BCAR3: variants seen among roughly 807,000 people sequenced by gnomAD.
The protein encoded by BCAR3 is BCAR3 adaptor protein, NSP family member, also known as breast cancer anti-estrogen resistance protein 3.
A neutral mutation model predicts 80.1 loss-of-function variants in BCAR3; 37 were observed. That is an observed-to-expected ratio of 0.46 (90% CI 0.36 to 0.61). The LOEUF (loss-of-function observed/expected upper bound fraction) is 0.61. Ranked by LOEUF, BCAR3 falls within the 20% of genes least tolerant of loss-of-function variation. The pLI, the probability that BCAR3 is intolerant of heterozygous loss-of-function variation, is 0.00. For synonymous variants in BCAR3, 389 were observed against 418.9 expected (o/e 0.93, Z 0.87); for missense variants, 978 against 1,068.2 (o/e 0.92, Z 1.18).
chr1:93,815,734 T>C (rs908258495), intron 2 of BCAR3, among the ~76,000 whole-genome samples: 1 of 152,204 alleles, frequency 6.6e-6, no homozygotes, highest in Non-Finnish European at 1.5e-5. Context: ...TGTACATTTG[T>C]ATAGAGATGC....
At chr1:93,745,995 T>C (rs1651345829) in intron 2 of BCAR3, among the ~76,000 whole-genome samples, 1 of 152,386 alleles carries the variant, frequency 6.6e-6, no homozygotes, top group Middle Eastern at 3.4e-3. Flanking sequence ...CACTTAAACA[T>C]AGTATTTGTG....
chr1:93,642,060 A>T (rs556230509), intron 3 of BCAR3, among the ~76,000 whole-genome samples: 3 of 152,258 alleles, frequency 2.0e-5, no homozygotes, highest in African/African-American at 7.2e-5. Context: ...ACAAACAAAC[A>T]AACTCTGAAT....
intron 2 of BCAR3, among the ~76,000 whole-genome samples, chr1:93,647,311 G>A (rs1408114984): frequency 6.6e-6 from 1 of 152,146 alleles, no homozygotes. Context: ...CAAATTTGCT[G>A]TCTTAGAGAT....
intron 2 of BCAR3, among the ~76,000 whole-genome samples, chr1:93,779,527 T>C (rs989245830): frequency 6.6e-6 from 1 of 152,142 alleles, no homozygotes; most frequent in Non-Finnish European, 1.5e-5. Context: ...TATTTGGGTA[T>C]TGGGATCAGA....
rs116360260 is a variant in BCAR3 at position 93,724,424 on chromosome 1, G to A, written c.-62-18282C>T. Among the ~76,000 whole-genome samples the A allele has an allele frequency of 4.5e-3, 693 of 152,334 alleles. 2 individuals carry two copies. Among genetic ancestry groups the A allele is most frequent in the Non-Finnish European group, 7.4e-3 (504 of 68,026 alleles). ...CACAGGAGCCCTTGTTTGTTGGACT[G>A]TTATAACTCCCAAGGAATAGACGCC... On this transcript the variant is annotated intron_variant, in intron 2 of 13. Transcript: ENST00000370244.
upstream of BCAR3, among the ~76,000 whole-genome samples, chr1:93,684,971 C>A (rs958250307): frequency 6.6e-6 from 1 of 152,214 alleles, no homozygotes; most frequent in South Asian, 2.1e-4. Context: ...ATCAAGTGAT[C>A]TGCCTGCCTC....
At chr1:93,729,646 T>A (rs1030603824) in intron 2 of BCAR3, among the ~76,000 whole-genome samples, 4 of 152,186 alleles carry the variant, frequency 2.6e-5, no homozygotes, top group Non-Finnish European at 4.4e-5. Context: ...TGTCTGAGAT[T>A]GAGGCCAGGG....
At chr1:93,585,386 C>G (rs992879135) in intron 5 of BCAR3, among the ~76,000 whole-genome samples, 2 of 152,236 alleles carry the variant, frequency 1.3e-5, no homozygotes, top group African/African-American at 4.8e-5. Flanking sequence ...CTAGGAGGAT[C>G]TGCATTCCAA....
chr1:93,806,282 C>T (rs1653650426), intron 2 of BCAR3, among the ~76,000 whole-genome samples: 1 of 152,122 alleles, frequency 6.6e-6, no homozygotes, highest in Non-Finnish European at 1.5e-5. Context: ...GTATGAGACT[C>T]AAAGAGAGGC....
At chr1:93,837,467 C>T (rs1343850691) in intron 2 of BCAR3, among the ~76,000 whole-genome samples, 2 of 152,194 alleles carry the variant, frequency 1.3e-5, no homozygotes, top group Non-Finnish European at 2.9e-5. Flanking sequence ...CCACTCAGCT[C>T]CTGTTCCTGG....
intron 2 of BCAR3, among the ~76,000 whole-genome samples, chr1:93,809,773 G>GAAAAAAAAAAAAAAAAAAAA (rs1571143045): frequency 2.1e-5 from 1 of 46,982 alleles, no homozygotes. Context: ...GTCTCAAAAA[G>GAAAAAAAAAAAAAAAAAAAA]ATAAAAAAAA....
intron 2 of BCAR3, among the ~76,000 whole-genome samples, chr1:93,660,517 A>G (rs1647600127): frequency 6.6e-6 from 1 of 152,242 alleles, no homozygotes; most frequent in Non-Finnish European, 1.5e-5. Context: ...CAGGCTTAAA[A>G]TGGGACACGC....
chr1:93,639,998 G>A (rs1026329527), intron 3 of BCAR3, among the ~76,000 whole-genome samples: 2 of 152,036 alleles, frequency 1.3e-5, no homozygotes, highest in Non-Finnish European at 2.9e-5. Context: ...CTACTGGAAG[G>A]GGCCTTTATG....
intron 2 of BCAR3, among the ~76,000 whole-genome samples, chr1:93,804,472 G>T (rs1399895700): frequency 6.6e-6 from 1 of 152,168 alleles, no homozygotes; most frequent in Non-Finnish European, 1.5e-5. Context: ...GTAAAACAGG[G>T]ATTCCTTGAA....
chr1:93,715,687 G>A (rs1237927707), intron 2 of BCAR3, among the ~76,000 whole-genome samples: 1 of 152,164 alleles, frequency 6.6e-6, no homozygotes, highest in African/African-American at 2.4e-5. Flanking sequence ...AAATGCAGAC[G>A]GTTTGGCTGA....
intron 2 of BCAR3, chr1:93,753,362 A>G (rs541934166): frequency 1.8e-4 from 28 of 152,322 alleles, no homozygotes; most frequent in African/African-American, 6.7e-4. Context: ...GGCCAGTTTC[A>G]TATTGTTGGA....
At chr1:93,782,066 AG>A (rs1403748041) in intron 2 of BCAR3, among the ~76,000 whole-genome samples, 2 of 152,230 alleles carry the variant, frequency 1.3e-5, no homozygotes, top group Non-Finnish European at 2.9e-5. Context: ...AGGATCCAGA[AG>A]GGAGGACATA....
chr1:93,755,639 A>G lies in BCAR3; in HGVS notation c.-62-49497T>C, dbSNP rs114892461. On this transcript the variant is annotated intron_variant, in intron 2 of 13. Coordinates refer to the BCAR3 transcript ENST00000370244. ...AGGTTATACCATCTAGGTTTGTGTAAGTGCACTTTATGATGTTTGCACAAT... is the reference window on the plus strand; with the variant it reads ...AGGTTATACCATCTAGGTTTGTGTAGGTGCACTTTATGATGTTTGCACAAT... Among the ~76,000 whole-genome samples, 386 of 152,270 alleles carry G rather than the reference A, an allele frequency of 2.5e-3. 2 individuals are homozygous for G. Among genetic ancestry groups the G allele is most frequent in the African/African-American group, 9.0e-3 (375 of 41,552 alleles).
intron 2 of BCAR3, among the ~76,000 whole-genome samples, chr1:93,840,435 T>C (rs1323186408): frequency 6.6e-6 from 1 of 152,228 alleles, no homozygotes; most frequent in Non-Finnish European, 1.5e-5. Flanking sequence ...ATTACTTCAT[T>C]ATTATTTTCA....
Sources: allele counts gnomAD v4.1 joint callset (sites outside exome capture counted in the v4.1 genomes callset), GRCh38; gene constraint gnomAD v4.1.1; transcripts MANE v1.5; gene names NCBI Gene and HGNC (gene_info 2026-07-23, HGNC 2026-07-21).